The following RNF111 variants were observed in gnomAD, a reference collection of about 807,000 sequenced individuals.
RNF111 encodes ring finger protein 111, also known as E3 ubiquitin-protein ligase Arkadia.
RNF111 carries 17 observed loss-of-function variants against 95.1 expected under a neutral mutation model. The ratio of observed to expected loss-of-function variants is 0.18; its 90% CI spans 0.12 to 0.27. The LOEUF (loss-of-function observed/expected upper bound fraction) is 0.27, where lower values mean the gene tolerates loss of function less well. Ranked by LOEUF, RNF111 falls within the 10% of genes least tolerant of loss-of-function variation. The probability of loss-of-function intolerance (pLI) is 1.00; values close to 1 mark genes in which losing one functional copy is unlikely to be tolerated. For missense variants in RNF111, 1,189 were observed against 1,210.4 expected (o/e 0.98, Z 0.26); for synonymous variants, 440 against 414.8 (o/e 1.06, Z -0.74).
intron 6 of RNF111, among the ~76,000 whole-genome samples, chr15:59,075,103 A>G (rs551110529): frequency 6.6e-6 from 1 of 152,360 alleles, no homozygotes; most frequent in East Asian, 1.9e-4. Context: ...AAATATCACC[A>G]TAACAGATAA....
In RNF111 at chr15:59,055,758, C is replaced by G; in HGVS notation, c.1084C>G (p.Pro362Ala). ...TTCTCATGCAAGTCGGCCACAGGAGCCACGGAACCGCAGTAGGATTTCTAC... is the reference window on the plus strand; with the variant it reads ...TTCTCATGCAAGTCGGCCACAGGAGGCACGGAACCGCAGTAGGATTTCTAC... ...SSSHASRPQE[P>A]RNRSRISTVI... The change falls in exon 4 of 14, where the codon CCA (proline) becomes GCA (alanine). Residue 362 changes from proline to alanine, a missense_variant. By Grantham distance (27) the Pro-to-Ala change is conservative. Transcript: ENST00000348370. 1 of 1,613,806 alleles carries G rather than the reference C, an allele frequency of 6.2e-7. No homozygotes were observed. The highest frequency in any genetic ancestry group is 8.5e-7 in the Non-Finnish European group (1 of 1,179,884).
In RNF111 at chr15:59,078,595, C is replaced by T. The variant is rs147184653; in HGVS notation, c.1949-2341C>T. Among the ~76,000 whole-genome samples the T allele has an allele frequency of 4.6e-3, 694 of 151,030 alleles. 5 individuals are homozygous for T. The highest frequency in any genetic ancestry group is 0.015 in the African/African-American group (607 of 41,162). On this transcript the variant is annotated intron_variant, in intron 7 of 13. Coordinates refer to ENST00000348370, the MANE Select transcript of RNF111 (RefSeq NM_017610.8). ...AAAAAAGACCAGGCACAGTGGCTCA[C>T]GCCTGTAATCCCAGCACTTTCGGGA... is the stretch of plus-strand genomic sequence containing the variant.
At chr15:59,024,394 T>G (rs771930855) in intron 1 of RNF111, among the ~76,000 whole-genome samples, 14 of 152,330 alleles carry the variant, frequency 9.2e-5, no homozygotes, top group Non-Finnish European at 1.6e-4. Flanking sequence ...TAGATGAGAT[T>G]CCTGCTTCCT....
intron 1 of RNF111, among the ~76,000 whole-genome samples, chr15:59,007,451 A>G (rs147850656): frequency 1.4e-3 from 214 of 152,338 alleles, no homozygotes; most frequent in African/African-American, 4.5e-3. Flanking sequence ...GTAGCTGTAT[A>G]ACATAATTTA....
At chr15:59,014,617 A>G (rs2039981186) in intron 1 of RNF111, among the ~76,000 whole-genome samples, 1 of 152,202 alleles carries the variant, frequency 6.6e-6, no homozygotes, top group African/African-American at 2.4e-5. Context: ...CACATAGGGG[A>G]AAGTTGTTAG....
Position 58,992,672 on chromosome 15 carries a change from TAGAC to T in RNF111, c.-20+4607_-20+4610del, listed in dbSNP as rs1261795238. 5.3e-5 allele frequency among the ~76,000 whole-genome samples: 8 copies of T among 151,680 alleles called. No individual in the cohort carries two copies. In the South Asian group the frequency reaches 6.2e-4, roughly 12 times the overall value. ...GGCTGTACCAAAAAAATACAAAAAT[TAGAC>T]AGGCATAATGGCACATGCCTGTAGT... On this transcript the variant is annotated intron_variant, in intron 1 of 13. Coordinates refer to ENST00000348370, the MANE Select transcript of RNF111 (RefSeq NM_017610.8).
At chr15:59,037,724 T>A (rs2041249111) in intron 2 of RNF111, among the ~76,000 whole-genome samples, 1 of 152,010 alleles carries the variant, frequency 6.6e-6, no homozygotes, top group African/African-American at 2.4e-5. Context: ...TAATCCCAGC[T>A]ACTTGGGAGG....
At chr15:59,018,002 AC>A (rs1419547541) in intron 1 of RNF111, among the ~76,000 whole-genome samples, 1 of 151,912 alleles carries the variant, frequency 6.6e-6, no homozygotes, top group Non-Finnish European at 1.5e-5. Context: ...CAGGTGACCC[AC>A]CTGCCTCAGC....
At chr15:59,056,687 G>A (rs557417238) in intron 4 of RNF111, among the ~76,000 whole-genome samples, 1 of 152,260 alleles carries the variant, frequency 6.6e-6, no homozygotes, top group African/African-American at 2.4e-5. Context: ...TCAGTACCCA[G>A]TTGTTTATGA....
chr15:59,037,563 G>T (rs1001788552), intron 2 of RNF111, among the ~76,000 whole-genome samples: 3 of 152,156 alleles, frequency 2.0e-5, no homozygotes, highest in Non-Finnish European at 4.4e-5. Flanking sequence ...ATTGCCGGGC[G>T]TGGTGGCTCA....
chr15:59,038,115 A>G (rs915507020), intron 2 of RNF111, among the ~76,000 whole-genome samples: 9 of 152,210 alleles, frequency 5.9e-5, no homozygotes, highest in Admixed American at 4.6e-4. Flanking sequence ...TTATTCACAC[A>G]ACCATCGTAG....
intron 1 of RNF111, among the ~76,000 whole-genome samples, chr15:59,006,871 C>T (rs1257555944): frequency 1.3e-5 from 2 of 152,178 alleles, no homozygotes; most frequent in Non-Finnish European, 2.9e-5. Context: ...ACTGCAACCT[C>T]CGCCTCCCGG....
intron 7 of RNF111, among the ~76,000 whole-genome samples, chr15:59,077,697 G>A (rs2078606323): frequency 1.3e-5 from 2 of 152,292 alleles, no homozygotes; most frequent in South Asian, 2.1e-4. Context: ...TTGAGTTTAT[G>A]TATAGTTTAA....
At chr15:59,001,661 T>C (rs772370425) in intron 1 of RNF111, among the ~76,000 whole-genome samples, 4 of 152,214 alleles carry the variant, frequency 2.6e-5, no homozygotes, top group Non-Finnish European at 5.9e-5. Context: ...GGTTCTTTAA[T>C]AGAAAATACT....
Position 59,031,052 on chromosome 15 carries a change from A to C in RNF111, c.230A>C (p.Glu77Ala). The change falls in exon 2 of 14, where the codon GAA becomes GCA. Residue 77 changes from glutamate to alanine, a missense_variant. By Grantham distance (107) the Glu-to-Ala change is moderately radical. Coordinates refer to ENST00000348370, the MANE Select transcript of RNF111 (RefSeq NM_017610.8). Reference protein sequence around the residue: ...LCDDSQKQEKEMNGNQQEQEK... With the variant: ...LCDDSQKQEKAMNGNQQEQEK... ...GATGATTCTCAAAAGCAAGAGAAGG[A>C]AATGAATGGTAACCAGCAAGAACAA... is the stretch of plus-strand genomic sequence containing the variant. 2.5e-6 allele frequency: 4 copies of C among 1,614,288 alleles called. No homozygotes were observed. In the Admixed American group the frequency reaches 6.7e-5, roughly 27 times the overall value.
chr15:59,034,648 C>T (rs1166177104), intron 2 of RNF111, among the ~76,000 whole-genome samples: 4 of 152,146 alleles, frequency 2.6e-5, no homozygotes, highest in Admixed American at 1.3e-4. Flanking sequence ...AATCTCAGCT[C>T]TTTCAAATAA....
At chr15:59,086,033 T>C in intron 10 of RNF111, among the ~76,000 whole-genome samples, 1 of 151,850 alleles carries the variant, frequency 6.6e-6, no homozygotes, top group East Asian at 1.9e-4. Context: ...ACCAAGATAC[T>C]CTTAATCCAC....
At chr15:59,008,948 G>A (rs188507624) in intron 1 of RNF111, among the ~76,000 whole-genome samples, 2 of 151,898 alleles carry the variant, frequency 1.3e-5, no homozygotes, top group East Asian at 1.9e-4. Flanking sequence ...ATATTGTCAC[G>A]TATTTTATTT....
intron 5 of RNF111, among the ~76,000 whole-genome samples, chr15:59,059,400 T>C (rs2042339398): frequency 6.6e-6 from 1 of 152,162 alleles, no homozygotes; most frequent in South Asian, 2.1e-4. Context: ...CCCTTGCGAA[T>C]TGCTGGTAGG....
Sources: gnomAD v4.1 joint callset for allele counts (sites outside exome capture counted in the v4.1 genomes callset) on GRCh38, gnomAD v4.1.1 for gene constraint, MANE v1.5 for transcripts, NCBI Gene and HGNC (gene_info 2026-07-23, HGNC 2026-07-21) for gene names.